AMPH: variants seen among roughly 807,000 people sequenced by gnomAD.
The protein encoded by AMPH is amphiphysin (Stiff-Mann syndrome with breast cancer 128kD autoantigen).
In AMPH, 49 loss-of-function variants were observed where a neutral mutation model predicts 99.1. The observed-to-expected ratio is 0.49, with a 90% CI of 0.39 to 0.63. The LOEUF (loss-of-function observed/expected upper bound fraction) is 0.63, where lower values mean the gene tolerates loss of function less well. Ranked by LOEUF, AMPH falls within the 20% of genes least tolerant of loss-of-function variation. The pLI, the probability that AMPH is intolerant of heterozygous loss-of-function variation, is 0.00. For missense variants in AMPH, 759 were observed against 863.4 expected, an observed-to-expected ratio of 0.88 and a Z score of 1.52; for synonymous variants, 314 against 317.3, an observed-to-expected ratio of 0.99 and a Z score of 0.11.
intron 18 of AMPH, 28 bp from the exon 19 acceptor site, chr7:38,392,045 C>T (rs1784515593): frequency 8.1e-6 from 13 of 1,597,762 alleles, no homozygotes; most frequent in Non-Finnish European, 5.1e-6. Flanking sequence ...GTGGCGATGC[C>T]CGGCAGGGCC....
chr7:38,389,044 AAAATGTTG>A (rs1349254732), intron 20 of AMPH, among the ~76,000 whole-genome samples: 1 of 152,232 alleles, frequency 6.6e-6, no homozygotes, highest in African/African-American at 2.4e-5. Flanking sequence ...AAGAAAGAAC[AAAATGTTG>A]AACATATTAA....
chr7:38,565,741 T>C (rs1791718264), intron 1 of AMPH, among the ~76,000 whole-genome samples: 2 of 152,084 alleles, frequency 1.3e-5, no homozygotes, highest in South Asian at 2.1e-4. Flanking sequence ...CCCACGTCAG[T>C]GGGAGATGAA....
At chr7:38,466,075 G>A (rs765763462) in intron 8 of AMPH, 98 bp downstream of exon 8, 194 of 958,700 alleles carry the variant, frequency 2.0e-4, no homozygotes, top group Non-Finnish European at 2.8e-4. Context: ...ATACAAAAGG[G>A]TGAATTCTTT....
At chr7:38,498,276 A>G (rs367696653) in intron 3 of AMPH, among the ~76,000 whole-genome samples, 144 of 152,274 alleles carry the variant, frequency 9.5e-4, no homozygotes, top group African/African-American at 3.3e-3. Context: ...CTCATCACCT[A>G]CGATTTAGAT....
At chr7:38,603,349 A>G (rs531282446) in intron 1 of AMPH, among the ~76,000 whole-genome samples, 49 of 152,186 alleles carry the variant, frequency 3.2e-4, no homozygotes, top group African/African-American at 1.1e-3. Context: ...GCCAAAATAA[A>G]AAGTTAAAAT....
At chr7:38,497,010 T>C (rs1788956956) in intron 3 of AMPH, among the ~76,000 whole-genome samples, 1 of 152,198 alleles carries the variant, frequency 6.6e-6, no homozygotes, top group Admixed American at 6.5e-5. Flanking sequence ...AGTAAATATG[T>C]CTATTAGCAG....
intron 2 of AMPH, among the ~76,000 whole-genome samples, chr7:38,511,645 C>A (rs1028584704): frequency 9.9e-5 from 15 of 152,124 alleles, no homozygotes; most frequent in Non-Finnish European, 1.6e-4. Context: ...AGTTTTCTCA[C>A]GTAAAACAGA....
chr7:38,436,453 A>T, intron 11 of AMPH, 65 bp from the exon 12 acceptor site: 1 of 1,170,000 alleles, frequency 8.5e-7, no homozygotes, highest in South Asian at 1.2e-5. Context: ...AGACCATGAT[A>T]TAGCCCATGT....
intron 17 of AMPH, among the ~76,000 whole-genome samples, chr7:38,401,320 A>T (rs900404026): frequency 1.3e-5 from 2 of 152,248 alleles, no homozygotes; most frequent in African/African-American, 2.4e-5. Flanking sequence ...TTTTTAAAAA[A>T]TTTCAAAAAC....
chr7:38,401,022 T>C (rs1784825907), intron 17 of AMPH, among the ~76,000 whole-genome samples: 1 of 152,232 alleles, frequency 6.6e-6, no homozygotes, highest in South Asian at 2.1e-4. Flanking sequence ...TACAAGGGTT[T>C]ATCTTACAAA....
At chr7:38,566,026 T>C (rs1791730389) in intron 1 of AMPH, among the ~76,000 whole-genome samples, 1 of 152,220 alleles carries the variant, frequency 6.6e-6, no homozygotes, top group Admixed American at 6.5e-5. Context: ...AGAAGAAATG[T>C]GTTTTTTCAA....
intron 1 of AMPH, among the ~76,000 whole-genome samples, chr7:38,592,257 A>C (rs891883): frequency 0.14 from 21,770 of 152,192 alleles, 1,886 homozygotes; most frequent in Non-Finnish European, 0.2. Context: ...GGCCATCATG[A>C]TCATGTCACA....
At chr7:38,556,872 G>A (rs1791382554) in intron 1 of AMPH, among the ~76,000 whole-genome samples, 1 of 152,132 alleles carries the variant, frequency 6.6e-6, no homozygotes, top group Non-Finnish European at 1.5e-5. Flanking sequence ...TGGCAAGAGG[G>A]GAAAACTAAC....
chr7:38,441,399 T>G (rs1026747161), intron 11 of AMPH, among the ~76,000 whole-genome samples: 4 of 152,096 alleles, frequency 2.6e-5, no homozygotes, highest in African/African-American at 9.7e-5. Flanking sequence ...CTTATAACAT[T>G]CTATCCAACA....
chr7:38,516,379 G>A (rs1052476665), intron 2 of AMPH, among the ~76,000 whole-genome samples: 1 of 152,146 alleles, frequency 6.6e-6, no homozygotes, highest in African/African-American at 2.4e-5. Context: ...TGGTTAAAAG[G>A]GCCCCAGAGA....
chr7:38,529,221 A>G (rs557347246), intron 2 of AMPH, among the ~76,000 whole-genome samples: 208 of 152,366 alleles, frequency 1.4e-3, no homozygotes, highest in Non-Finnish European at 2.2e-3. Flanking sequence ...AATCCAGAAC[A>G]TGACCACCAA....
intron 11 of AMPH, among the ~76,000 whole-genome samples, chr7:38,452,373 T>C (rs1290785686): frequency 6.6e-6 from 1 of 152,254 alleles, no homozygotes; most frequent in Non-Finnish European, 1.5e-5. Context: ...ATGCTGTACT[T>C]CCTTGCAGTT....
At chr7:38,457,775 C>T (rs1017479936) in intron 11 of AMPH, among the ~76,000 whole-genome samples, 2 of 152,042 alleles carry the variant, frequency 1.3e-5, no homozygotes. Flanking sequence ...TGTACTAAGG[C>T]AAAAATAAAA....
chr7:38,614,204 T>C (rs1226065045), intron 1 of AMPH, among the ~76,000 whole-genome samples: 2 of 152,204 alleles, frequency 1.3e-5, no homozygotes, highest in Admixed American at 6.5e-5. Context: ...TGGGTAGTTA[T>C]ATCCCAGCAA....
Sources: allele counts gnomAD v4.1 joint callset (sites outside exome capture counted in the v4.1 genomes callset), GRCh38; gene constraint gnomAD v4.1.1; transcripts MANE v1.5; gene names NCBI Gene and HGNC (gene_info 2026-07-23, HGNC 2026-07-21).